The following BTNL9 variants were observed in gnomAD, a reference collection of about 807,000 sequenced individuals.
The protein encoded by BTNL9 is butyrophilin like 9.
In BTNL9, 45 loss-of-function variants were observed where a neutral mutation model predicts 45.8. That is an observed-to-expected ratio of 0.98 (90% CI 0.77 to 1.26). The LOEUF (loss-of-function observed/expected upper bound fraction) is 1.26, where lower values mean the gene tolerates loss of function less well. Among genes scored for constraint, BTNL9 ranks in the 50% most tolerant of loss-of-function variants. The probability of loss-of-function intolerance (pLI) is 0.00; values close to 1 mark genes in which losing one functional copy is unlikely to be tolerated. For missense variants in BTNL9, 784 were observed against 729.7 expected (o/e 1.07, Z -0.86); for synonymous variants, 346 against 330.8 (o/e 1.05, Z -0.50).
intron 1 of BTNL9, among the ~76,000 whole-genome samples, chr5:181,044,720 C>A (rs1179057685): frequency 6.6e-6 from 1 of 152,186 alleles, no homozygotes; most frequent in Admixed American, 6.5e-5. Context: ...CCCAAGGGAG[C>A]AGAGCATCAG....
intron 1 of BTNL9, among the ~76,000 whole-genome samples, chr5:181,040,774 G>A (rs193260111): frequency 7.9e-5 from 12 of 152,278 alleles, no homozygotes; most frequent in African/African-American, 1.2e-4. Flanking sequence ...TCAAACCAGC[G>A]CAGGCAGTGA....
intron 2 of BTNL9, 96 bp downstream of exon 2, chr5:181,045,694 G>C: frequency 1.0e-6 from 1 of 971,416 alleles, no homozygotes; most frequent in Non-Finnish European, 1.6e-6. Context: ...ACCAGGGCGT[G>C]CCAGACGCTA....
At chr5:181,056,904 G>T in intron 9 of BTNL9, 1 of 344,658 alleles carries the variant, frequency 2.9e-6, no homozygotes, top group Non-Finnish European at 5.3e-6. Context: ...GTATATGCTA[G>T]TTGGCTCTGG....
chr5:181,050,483 T>C lies in BTNL9; in HGVS notation c.736+114T>C. On this transcript the variant is annotated intron_variant, in intron 4 of 10. Transcript: ENST00000327705. The surrounding 1 kb of genome is among the most constrained non-coding windows in gnomAD (Gnocchi z 4.9). Reference sequence around the variant, plus strand: ...ACTGCGCCTGTCTGCATATAGGGTGTGTTGGCCTTGACACCTGAAAAGTCA... The same window carrying C: ...ACTGCGCCTGTCTGCATATAGGGTGCGTTGGCCTTGACACCTGAAAAGTCA... 12 of 1,313,966 alleles carry C rather than the reference T, an allele frequency of 9.1e-6. No homozygotes were observed. The highest frequency in any genetic ancestry group is 1.3e-5 in the Non-Finnish European group (12 of 949,010). The allele number at this position is 1,313,966 out of a possible 1,614,324, so 81.4% of individuals were successfully genotyped here.
rs1342256291 is a variant in BTNL9 at position 181,048,279 on chromosome 5, G to T, written c.454+8G>T. The T allele has an allele frequency of 3.1e-6, 5 of 1,602,920 alleles. No individual in the cohort carries two copies. The South Asian group carries it at 5.6e-5, about 18-fold the overall frequency. ...GGGAACTGGAGGTAGCAGGTGCGTG[G>T]ACTGACCTAAGGCCCTGCAGAGGAG... On this transcript the variant is annotated splice_region_variant and intron_variant, in intron 3 of 10. Transcript: ENST00000327705.
chr5:181,047,826 T>G, intron 2 of BTNL9, 101 bp from the exon 3 acceptor site: 1 of 1,084,668 alleles, frequency 9.2e-7, no homozygotes, highest in Non-Finnish European at 1.3e-6. Context: ...CCTTTCTTGT[T>G]TTTATGGTTT....
intron 3 of BTNL9, 136 bp downstream of exon 3, chr5:181,048,407 C>A: frequency 1.3e-6 from 1 of 795,426 alleles, no homozygotes; most frequent in Non-Finnish European, 1.9e-6. Context: ...GGTCCATTCT[C>A]AAATGAACAA....
chr5:181,054,370 C>A lies in BTNL9; in HGVS notation c.907+111C>A, dbSNP rs1221900774. 9 of 1,554,118 alleles carry A rather than the reference C, an allele frequency of 5.8e-6. No individual in the cohort carries two copies. In the African/African-American group the frequency reaches 6.9e-5, roughly 12 times the overall value. On this transcript the variant is annotated intron_variant, in intron 7 of 10. Coordinates refer to ENST00000327705, the MANE Select transcript of BTNL9 (RefSeq NM_152547.5). ...CGGCTGGCAACTATCTAATTCTAAA[C>A]CATCCCTGTGAGCCTCCACCTCTTC...
At position 181,053,390 on chromosome 5, in the gene BTNL9, C is replaced by T. The variant is rs1173125367; in HGVS notation, c.853+74C>T. On this transcript the variant is annotated intron_variant, in intron 5 of 10. Coordinates refer to ENST00000327705, the MANE Select transcript of BTNL9 (RefSeq NM_152547.5). The surrounding 1 kb of genome is among the most constrained non-coding windows in gnomAD (Gnocchi z 6.5). The stretch of plus-strand genomic sequence containing the variant: ...CCCCGGGGCCGCGGAGGCGCCTCCC[C>T]CCAGGACGCGGCGCGGGAAGGCGGC... The T allele has an allele frequency of 1.3e-6, 2 of 1,529,512 alleles. No homozygotes were observed. The highest frequency in any genetic ancestry group is 1.8e-6 in the Non-Finnish European group (2 of 1,136,808). 94.7% of individuals were successfully genotyped at this position (1,529,512 alleles called of 1,614,324 possible).
rs772491013 is a variant in BTNL9 at position 181,059,558 on chromosome 5, C to T, written c.1304C>T (p.Pro435Leu). 3.7e-6 allele frequency: 6 copies of T among 1,611,118 alleles called. No individual in the cohort carries two copies. Among genetic ancestry groups the T allele is most frequent in the Middle Eastern group, 1.7e-4 (1 of 6,060 alleles). The change falls in exon 11 of 11, where the codon CCG (proline) becomes CTG (leucine). Residue 435 changes from proline to leucine, a missense_variant. Pro to Leu is a moderately conservative substitution (Grantham distance 98, BLOSUM62 -3). Transcript: ENST00000327705. ...GGCTGCGAGTACTTCGTCCTGGCCC[C>T]GCACCGCGTCGCGCTCACCCTGCGC... ...WNGCEYFVLAPHRVALTLRVP... is the reference protein window; with the variant it reads ...WNGCEYFVLALHRVALTLRVP...
At chr5:181,045,682 G>A (rs1761074948) in intron 2 of BTNL9, 84 bp downstream of exon 2, 4 of 1,083,772 alleles carry the variant, frequency 3.7e-6, no homozygotes, top group South Asian at 1.3e-5. Context: ...TCTTAGCACA[G>A]TACCAGGGCG....
At chr5:181,048,712 AATATAT>A (rs951160498) in intron 3 of BTNL9, among the ~76,000 whole-genome samples, 1 of 132,110 alleles carries the variant, frequency 7.6e-6, no homozygotes, top group Non-Finnish European at 1.6e-5. Context: ...TCTGTCTTGA[AATATAT>A]ATATATATCT....
chr5:181,049,192 C>T (rs920839065), intron 3 of BTNL9, among the ~76,000 whole-genome samples: 11 of 152,002 alleles, frequency 7.2e-5, no homozygotes, highest in African/African-American at 2.7e-4. Flanking sequence ...TACCCTCTGA[C>T]ACAGCAATCC....
chr5:181,043,830 G>A (rs1195726149), intron 1 of BTNL9, among the ~76,000 whole-genome samples: 2 of 152,236 alleles, frequency 1.3e-5, no homozygotes, highest in African/African-American at 2.4e-5. Context: ...CCCACCTGTC[G>A]CAGAGAGGCT....
chr5:181,052,012 A>T (rs958133667), intron 4 of BTNL9, among the ~76,000 whole-genome samples: 3 of 152,104 alleles, frequency 2.0e-5, no homozygotes, highest in African/African-American at 4.8e-5. Flanking sequence ...AACAGCGAGG[A>T]GGCCAGAGGG....
At chr5:181,057,085 C>T (rs1419989669) in intron 9 of BTNL9, 2 of 152,092 alleles carry the variant, frequency 1.3e-5, no homozygotes, top group Non-Finnish European at 2.9e-5. Flanking sequence ...ATTCCTTCTT[C>T]TGTTGTGCCA....
chr5:181,044,363 G>A lies in BTNL9; in HGVS notation c.-23-1104G>A, dbSNP rs975651865. On this transcript the variant is annotated intron_variant, in intron 1 of 10. Coordinates refer to ENST00000327705, the MANE Select transcript of BTNL9 (RefSeq NM_152547.5). Reference sequence around the variant, plus strand: ...GAAGAAAAGCCAAGCCGTGGGGGCCGACGGGGAGACAGAGAGGGTTGGAGA... The same window carrying A: ...GAAGAAAAGCCAAGCCGTGGGGGCCAACGGGGAGACAGAGAGGGTTGGAGA... 5.3e-5 allele frequency among the ~76,000 whole-genome samples: 8 copies of A among 152,286 alleles called. No individual in the cohort carries two copies. The East Asian group carries it at 1.4e-3, about 26-fold the overall frequency.
chr5:181,058,918 C>T (rs1244503387), intron 10 of BTNL9, among the ~76,000 whole-genome samples: 3 of 152,088 alleles, frequency 2.0e-5, no homozygotes, highest in Non-Finnish European at 2.9e-5. Context: ...GAACTAGAAC[C>T]AGCCCATAGG....
In BTNL9 at chr5:181,043,183, CGT is replaced by C. The variant is rs34383941; in HGVS notation, c.-23-2271_-23-2270del. 2.7e-3 allele frequency among the ~76,000 whole-genome samples: 414 copies of C among 151,040 alleles called. 2 individuals carry two copies. Among genetic ancestry groups the C allele is most frequent in the African/African-American group, 9.4e-3 (388 of 41,196 alleles). Reference sequence around the variant, plus strand: ...CATGTTAGTTTTATTACTGTCAGCACGTGTGTGTGTGTGTATGTGTCTGTGTG... The same window carrying C: ...CATGTTAGTTTTATTACTGTCAGCACGTGTGTGTGTGTATGTGTCTGTGTG... On this transcript the variant is annotated intron_variant, in intron 1 of 10. Transcript: ENST00000327705.
Sources: allele counts gnomAD v4.1 joint callset (sites outside exome capture counted in the v4.1 genomes callset), GRCh38; gene constraint gnomAD v4.1.1; non-coding constraint Gnocchi (gnomAD v3.1); transcripts MANE v1.5; gene names NCBI Gene and HGNC (gene_info 2026-07-23, HGNC 2026-07-21).